The following COLEC11 variants were observed in gnomAD, a reference collection of about 807,000 sequenced individuals.
The protein encoded by COLEC11 is collectin-11.
A neutral mutation model predicts 27.3 loss-of-function variants in COLEC11; 20 were observed. That is an observed-to-expected ratio of 0.73 (90% confidence interval 0.51 to 1.06). The LOEUF (loss-of-function observed/expected upper bound fraction) is 1.06, where lower values mean the gene tolerates loss of function less well. Among genes scored for constraint, COLEC11 ranks in the 50% least tolerant of loss-of-function variants. The pLI, the probability that COLEC11 is intolerant of heterozygous loss-of-function variation, is 0.00. For missense variants in COLEC11, 310 were observed against 383.0 expected (o/e 0.81, Z 1.59); for synonymous variants, 163 against 154.7 (o/e 1.05, Z -0.40).
chr2:3,617,424 G>T, intron 3 of COLEC11: 1 of 1,043,402 alleles, frequency 9.6e-7, no homozygotes. Context: ...TGTGAAAGGG[G>T]CAGCACAGTC....
intron 2 of COLEC11, among the ~76,000 whole-genome samples, chr2:3,612,946 G>A (rs1175941552): frequency 6.6e-6 from 1 of 151,612 alleles, no homozygotes. Context: ...CGCTTCCCAT[G>A]GGGGCGCCTG....
intron 3 of COLEC11, among the ~76,000 whole-genome samples, chr2:3,615,690 C>CTCCTCACT (rs1434624824): frequency 6.6e-6 from 1 of 152,150 alleles, no homozygotes; most frequent in African/African-American, 2.4e-5. Context: ...GGCAGAGGGG[C>CTCCTCACT]TCCTCACTTC....
intron 3 of COLEC11, among the ~76,000 whole-genome samples, chr2:3,613,980 C>CTTTT (rs57071680): frequency 1.5e-5 from 2 of 131,136 alleles, no homozygotes; most frequent in African/African-American, 5.8e-5. Flanking sequence ...TTCTTTCTTT[C>CTTTT]TTTTTTTTTT....
At chr2:3,597,437 A>G (rs1403370684) in intron 1 of COLEC11, among the ~76,000 whole-genome samples, 1 of 151,166 alleles carries the variant, frequency 6.6e-6, no homozygotes, top group Admixed American at 6.6e-5. Flanking sequence ...CTGCTCTGGG[A>G]TCAGCAGATG....
chr2:3,605,539 T>C (rs866981919), intron 2 of COLEC11, among the ~76,000 whole-genome samples: 2 of 6,408 alleles, frequency 3.1e-4, no homozygotes, highest in Non-Finnish European at 4.4e-4. Context: ...AGTCACGTGG[T>C]TGATGAGGGG....
intron 5 of COLEC11, among the ~76,000 whole-genome samples, chr2:3,641,767 G>C (rs1019295935): frequency 6.6e-6 from 1 of 152,202 alleles, no homozygotes; most frequent in Non-Finnish European, 1.5e-5. Flanking sequence ...TGGGCTCTAC[G>C]TGATTGCCGA....
At chr2:3,603,371 T>TA (rs1662382692) in intron 1 of COLEC11, 1 of 409,212 alleles carries the variant, frequency 2.4e-6, no homozygotes, top group African/African-American at 2.0e-5. Flanking sequence ...GGCTGGAGTG[T>TA]AGTGGCGTGA....
intron 2 of COLEC11, among the ~76,000 whole-genome samples, chr2:3,609,374 T>TGA (rs1663013701): frequency 1.4e-5 from 2 of 141,554 alleles, no homozygotes; most frequent in African/African-American, 5.3e-5. Context: ...TTTTTTTTTT[T>TGA]TTTTTTTTTT....
chr2:3,604,226 C>T, intron 1 of COLEC11, 89 bp from the exon 2 acceptor site: 3 of 1,456,548 alleles, frequency 2.1e-6, no homozygotes, highest in South Asian at 1.2e-5. Flanking sequence ...ACCAGGAGGG[C>T]TACACCCCTT....
At chr2:3,636,744 G>A (rs1227552379) in intron 3 of COLEC11, among the ~76,000 whole-genome samples, 1 of 152,164 alleles carries the variant, frequency 6.6e-6, no homozygotes, top group Non-Finnish European at 1.5e-5. Flanking sequence ...ACACTTTGCG[G>A]GAGGGAGTAC....
At chr2:3,629,872 C>G (rs6738021) in intron 3 of COLEC11, among the ~76,000 whole-genome samples, 15,388 of 152,160 alleles carry the variant, frequency 0.1, 2,637 homozygotes, top group African/African-American at 0.35. Context: ...TTTGTGTACA[C>G]ATGTATCCAC....
Position 3,596,386 on chromosome 2 carries a change from G to T in COLEC11, c.-27+1218G>T, listed in dbSNP as rs902711291. On this transcript the variant is annotated intron_variant, in intron 1 of 6. Coordinates refer to ENST00000349077, the MANE Select transcript of COLEC11 (RefSeq NM_024027.5). ...GACTCTGGCTCTGTCACCCAGGCTG[G>T]AGTGCAATGGCACCGTCTTGGCTCA... Among the ~76,000 whole-genome samples the T allele has an allele frequency of 7.2e-4, 108 of 149,218 alleles. 1 individual carries two copies. Among genetic ancestry groups the T allele is most frequent in the Non-Finnish European group, 2.2e-4 (15 of 67,724 alleles).
At chr2:3,625,888 C>G (rs980153681) in intron 3 of COLEC11, 3 of 865,440 alleles carry the variant, frequency 3.5e-6, no homozygotes, top group South Asian at 1.3e-5. Context: ...CTACCTTGGC[C>G]TCCCAAAGTG....
At chr2:3,605,932 T>C (rs1662654510) in intron 2 of COLEC11, 2 of 846,420 alleles carry the variant, frequency 2.4e-6, no homozygotes, top group African/African-American at 1.7e-5. Flanking sequence ...AAGTGGACTG[T>C]CCTGCAGCCC....
chr2:3,616,929 T>C (rs1572422320), intron 3 of COLEC11, among the ~76,000 whole-genome samples: 1 of 152,202 alleles, frequency 6.6e-6, no homozygotes, highest in Admixed American at 6.5e-5. Context: ...CTGAATAATA[T>C]TCCGTTATAT....
intron 3 of COLEC11, among the ~76,000 whole-genome samples, chr2:3,630,158 TATGTATGCATATAGATGTCTGTGC>T (rs1281256078): frequency 1.3e-5 from 2 of 152,196 alleles, no homozygotes; most frequent in African/African-American, 4.8e-5. Context: ...TGCATGTGTG[TATGTATGCATATAGATGTCTGTGC>T]ATGCATATGT....
chr2:3,632,243 G>A lies in COLEC11; in HGVS notation c.203-5290G>A, dbSNP rs145879104. Among the ~76,000 whole-genome samples the A allele has an allele frequency of 2.7e-3, 408 of 152,334 alleles. 2 individuals carry two copies. Among genetic ancestry groups the A allele is most frequent in the African/African-American group, 9.4e-3 (391 of 41,566 alleles). On this transcript the variant is annotated intron_variant, in intron 3 of 6. Transcript: ENST00000349077. ...TGGCAGAGGCTGTGCTCGGAATCAC[G>A]GGGCACTGTGTTCTTTCCTGGCTCA...
At chr2:3,641,519 G>A in intron 5 of COLEC11, 1 of 960,100 alleles carries the variant, frequency 1.0e-6, no homozygotes, top group Non-Finnish European at 1.4e-6. Flanking sequence ...GAGTTTGGAG[G>A]TTAAATGAGG....
At chr2:3,608,588 C>T (rs973761270) in intron 2 of COLEC11, among the ~76,000 whole-genome samples, 18 of 152,150 alleles carry the variant, frequency 1.2e-4, no homozygotes, top group African/African-American at 3.9e-4. Flanking sequence ...TTTGGGAAGC[C>T]GAGGTGGGAG....
Sources: gnomAD v4.1 joint callset for allele counts (sites outside exome capture counted in the v4.1 genomes callset) on GRCh38, gnomAD v4.1.1 for gene constraint, MANE v1.5 for transcripts, NCBI Gene and HGNC (gene_info 2026-07-23, HGNC 2026-07-21) for gene names.